The following SLC35E2B variants were observed in gnomAD, a reference collection of about 807,000 sequenced individuals.
SLC35E2B encodes solute carrier family 35, member E2B.
In SLC35E2B, 18 loss-of-function variants were observed where a neutral mutation model predicts 32.4. The observed-to-expected ratio is 0.56, with a 90% CI of 0.38 to 0.82. The LOEUF (loss-of-function observed/expected upper bound fraction) is 0.82. Ranked by LOEUF, SLC35E2B falls within the 40% of genes least tolerant of loss-of-function variation. The pLI is 0.00. For missense variants in SLC35E2B, 263 were observed against 469.5 expected (o/e 0.56, Z 4.06); for synonymous variants, 132 against 209.1 (o/e 0.63, Z 3.18).
chr1:1,690,217 T>C (rs1357284038), intron 2 of SLC35E2B, among the ~76,000 whole-genome samples: 1 of 145,028 alleles, frequency 6.9e-6, no homozygotes, highest in African/African-American at 2.5e-5. Context: ...GAGGCAGAGG[T>C]TGTGATGAGC....
At chr1:1,687,659 C>T (rs756398840) in intron 2 of SLC35E2B, among the ~76,000 whole-genome samples, 12 of 151,402 alleles carry the variant, frequency 7.9e-5, no homozygotes, top group Admixed American at 1.3e-4. Flanking sequence ...CTCTTGAACC[C>T]GGGAGGCGGA....
chr1:1,675,086 C>A (rs1643807841), intron 5 of SLC35E2B, among the ~76,000 whole-genome samples: 1 of 151,494 alleles, frequency 6.6e-6, no homozygotes, highest in Non-Finnish European at 1.5e-5. Context: ...GGCCCACGGA[C>A]CAGGAGCCAC....
rs973307567 is a variant in SLC35E2B, at chr1:1,664,918, C to T, written c.*864G>A. On this transcript the variant is annotated 3_prime_UTR_variant, in exon 10 of 10. Transcript: ENST00000617444. ...TCACCCCACGGGGACCTCAGAACAG[C>T]CTGCCTCATACTCAGAGTCCAAAAA... 1.1e-6 allele frequency: 1 copy of T among 946,618 alleles called. No individual in the cohort carries two copies. The highest frequency in any genetic ancestry group is 1.8e-5 in the African/African-American group (1 of 54,896). The allele number at this position is 946,618 out of a possible 1,614,324, so 58.6% of individuals were successfully genotyped here.
At chr1:1,678,943 G>A (rs1643876361) in intron 2 of SLC35E2B, among the ~76,000 whole-genome samples, 1 of 152,134 alleles carries the variant, frequency 6.6e-6, no homozygotes, top group Non-Finnish European at 1.5e-5. Flanking sequence ...AAAGGGTGCG[G>A]CAGAGCAAAA....
At chr1:1,675,338 A>G (rs574341954) in intron 5 of SLC35E2B, 125 bp downstream of exon 5, 2 of 684,206 alleles carry the variant, frequency 2.9e-6, no homozygotes, top group Admixed American at 2.9e-5. Flanking sequence ...AGGCACTGCC[A>G]GTGTGGGCAC....
intron 7 of SLC35E2B, 181 bp from the exon 8 acceptor site, chr1:1,669,917 G>A: frequency 1.2e-6 from 1 of 848,328 alleles, no homozygotes; most frequent in Non-Finnish European, 1.9e-6. Flanking sequence ...GCTGGCTGAG[G>A]GGCTCAAGGG....
chr1:1,669,967 A>G, intron 7 of SLC35E2B, 131 bp downstream of exon 7: 1 of 918,086 alleles, frequency 1.1e-6, no homozygotes, highest in African/African-American at 1.7e-5. Flanking sequence ...GAGCTTAGAC[A>G]GGGTACTTGT....
At chr1:1,681,827 T>C (rs1643901781) in intron 2 of SLC35E2B, among the ~76,000 whole-genome samples, 1 of 147,894 alleles carries the variant, frequency 6.8e-6, no homozygotes, top group South Asian at 2.1e-4. Flanking sequence ...CTACTAAAAA[T>C]ACAAAAAATT....
chr1:1,669,598 T>C, intron 8 of SLC35E2B, 66 bp downstream of exon 8: 1 of 1,437,328 alleles, frequency 7.0e-7, no homozygotes, highest in Admixed American at 2.4e-5. Context: ...GAAGTCATTC[T>C]GCTCCTGAAT....
chr1:1,685,414 GAA>G (rs571091862), intron 2 of SLC35E2B, among the ~76,000 whole-genome samples: 2 of 102,804 alleles, frequency 1.9e-5, no homozygotes, highest in African/African-American at 3.7e-5. Context: ...CGTTTTCTCA[GAA>G]AAAAAAAAAA....
In SLC35E2B at chr1:1,692,462, C is replaced by T. The variant is rs1644026398; in HGVS notation, c.-579G>A. 2 of 987,434 alleles carry T rather than the reference C, an allele frequency of 2.0e-6. No individual in the cohort carries two copies. The highest frequency in any genetic ancestry group is 1.8e-5 in the African/African-American group (1 of 56,734). The allele number at this position is 987,434 out of a possible 1,614,324, so 61.2% of individuals were successfully genotyped here. A position where few individuals can be genotyped will look rare whatever the true frequency, so the allele number is the denominator to read the frequency against. On this transcript the variant is annotated 5_prime_UTR_variant, in exon 1 of 10. Coordinates refer to ENST00000617444, the MANE Select transcript of SLC35E2B (RefSeq NM_001290264.2). ...CGCAGAACCCACCGAGAGCCTGATG[C>T]AGTCTCCGCCGCAGGCATAGCGCTA...
intron 2 of SLC35E2B, among the ~76,000 whole-genome samples, chr1:1,685,429 A>AG (rs1416789614): frequency 5.9e-5 from 9 of 151,284 alleles, no homozygotes; most frequent in Non-Finnish European, 1.0e-4. Context: ...AAAAAAAAAA[A>AG]AAAGAAAAGG....
chr1:1,684,845 C>A (rs1186540413), intron 2 of SLC35E2B, among the ~76,000 whole-genome samples: 1 of 149,332 alleles, frequency 6.7e-6, no homozygotes, highest in Non-Finnish European at 1.5e-5. Context: ...GTGGTTCCCA[C>A]CTGTAATCCC....
chr1:1,688,503 G>C (rs955148217), intron 2 of SLC35E2B, among the ~76,000 whole-genome samples: 1 of 151,686 alleles, frequency 6.6e-6, no homozygotes, highest in Non-Finnish European at 1.5e-5. Context: ...AGGAGGCTGA[G>C]CCAGGAGAAT....
intron 2 of SLC35E2B, among the ~76,000 whole-genome samples, chr1:1,682,445 A>C (rs1196797440): frequency 6.6e-6 from 1 of 152,168 alleles, no homozygotes; most frequent in Non-Finnish European, 1.5e-5. Context: ...GATGGAAATG[A>C]GGGGCTCAGT....
intron 2 of SLC35E2B, among the ~76,000 whole-genome samples, chr1:1,683,748 A>G (rs919606237): frequency 6.6e-6 from 1 of 151,760 alleles, no homozygotes; most frequent in South Asian, 2.1e-4. Flanking sequence ...CCTCATCAGC[A>G]TAAGCTCAGG....
intron 2 of SLC35E2B, among the ~76,000 whole-genome samples, chr1:1,687,738 A>G (rs978214157): frequency 2.7e-5 from 4 of 149,462 alleles, no homozygotes; most frequent in African/African-American, 9.8e-5. Context: ...CCATCTCAAA[A>G]AAAAAAAAAA....
At chr1:1,683,778 G>C (rs989831261) in intron 2 of SLC35E2B, among the ~76,000 whole-genome samples, 2 of 151,956 alleles carry the variant, frequency 1.3e-5, no homozygotes, top group African/African-American at 4.8e-5. Flanking sequence ...CATAAGCTCC[G>C]GGGTGATCTG....
chr1:1,668,533 C>G, intron 8 of SLC35E2B, 61 bp from the exon 9 acceptor site: 1 of 1,613,760 alleles, frequency 6.2e-7, no homozygotes, highest in Non-Finnish European at 8.5e-7. Context: ...AATCATCCAC[C>G]AAAAACGCCC....
Sources: allele counts gnomAD v4.1 joint callset (sites outside exome capture counted in the v4.1 genomes callset), GRCh38; gene constraint gnomAD v4.1.1; transcripts MANE v1.5; gene names NCBI Gene and HGNC (gene_info 2026-07-23, HGNC 2026-07-21).